Variants in CDC42BPB observed in about 807,000 individuals in gnomAD.
CDC42BPB encodes the protein serine/threonine-protein kinase MRCK beta.
CDC42BPB carries 37 observed loss-of-function variants against 214.9 expected under a neutral mutation model. The ratio of observed to expected loss-of-function variants is 0.17; its 90% confidence interval spans 0.13 to 0.23. The LOEUF is 0.23. Ranked by LOEUF, CDC42BPB falls within the 10% of genes least tolerant of loss-of-function variation. The pLI is 1.00. For missense variants in CDC42BPB, 1,694 were observed against 2,227.0 expected (o/e 0.76, Z 4.82); for synonymous variants, 931 against 884.0 (o/e 1.05, Z -0.94).
At chr14:103,000,571 C>A (rs545845250) in intron 4 of CDC42BPB, among the ~76,000 whole-genome samples, 1 of 152,250 alleles carries the variant, frequency 6.6e-6, no homozygotes, top group African/African-American at 2.4e-5. Flanking sequence ...TGGGGAAGCA[C>A]GTGGCCTGAA....
chr14:102,980,647 C>A, intron 8 of CDC42BPB, 126 bp downstream of exon 8: 1 of 833,564 alleles, frequency 1.2e-6, no homozygotes, highest in Non-Finnish European at 1.9e-6. Flanking sequence ...GAATAAAAAG[C>A]ACACTGTCTT....
In CDC42BPB at chr14:102,944,598, C is replaced by A. The variant is rs1892063648; in HGVS notation, c.3812-111G>T. On this transcript the variant is annotated intron_variant, in intron 29 of 36. Coordinates refer to ENST00000361246, the MANE Select transcript of CDC42BPB (RefSeq NM_006035.4). The surrounding 1 kb of genome is among the most constrained non-coding windows in gnomAD (Gnocchi z 6.6). ...GAACACTCTGGGGCCCTCCCCTGGG[C>A]TCCCTTCCTGTGTGCACAGCCTGAG... 2 of 1,482,576 alleles carry A rather than the reference C, an allele frequency of 1.3e-6. No individual in the cohort carries two copies. Among genetic ancestry groups the A allele is most frequent in the East Asian group, 2.4e-5 (1 of 41,764 alleles). The allele number at this position is 1,482,576 out of a possible 1,614,324, so 91.8% of individuals were successfully genotyped here.
chr14:102,987,788 A>AATACACAC (rs1894312581), intron 5 of CDC42BPB, among the ~76,000 whole-genome samples: 1 of 140,760 alleles, frequency 7.1e-6, no homozygotes. Context: ...CAAACACACA[A>AATACACAC]ACACACACAC....
intron 24 of CDC42BPB, 43 bp downstream of exon 24, chr14:102,952,455 T>G (rs1595460624): frequency 7.8e-7 from 1 of 1,278,096 alleles, no homozygotes; most frequent in Non-Finnish European, 1.1e-6. Context: ...TGCAGGGGTG[T>G]GGGGCTGTGC....
intron 2 of CDC42BPB, 35 bp from the exon 3 acceptor site, chr14:103,008,590 T>C: frequency 1.9e-6 from 3 of 1,592,928 alleles, no homozygotes; most frequent in Non-Finnish European, 2.6e-6. Context: ...AAAGATGCGG[T>C]TCTTGAACAA....
chr14:102,972,281 G>C, intron 12 of CDC42BPB, 120 bp from the exon 13 acceptor site: 1 of 1,529,732 alleles, frequency 6.5e-7, no homozygotes, highest in Non-Finnish European at 8.8e-7. Flanking sequence ...TTACAGATTA[G>C]AGCCACAGAT....
chr14:103,041,563 C>T (rs929787727), intron 1 of CDC42BPB: 12 of 1,261,098 alleles, frequency 9.5e-6, no homozygotes, highest in South Asian at 8.9e-5. Context: ...CCCGAAGATC[C>T]GCAGATGCAA....
chr14:103,047,512 G>A (rs1888361148), intron 1 of CDC42BPB, among the ~76,000 whole-genome samples: 1 of 152,118 alleles, frequency 6.6e-6, no homozygotes, highest in Non-Finnish European at 1.5e-5. Flanking sequence ...TCTCAGTGTA[G>A]ACAGCAATGC....
At chr14:102,999,101 G>A (rs1214454934) in intron 5 of CDC42BPB, among the ~76,000 whole-genome samples, 1 of 2,436 alleles carries the variant, frequency 4.1e-4, no homozygotes, top group African/African-American at 4.3e-3. Flanking sequence ...CGGGGCCCAC[G>A]TGAGCCCCAG....
At chr14:102,947,936 T>TG in intron 26 of CDC42BPB, 134 bp from the exon 27 acceptor site, 1 of 1,504,854 alleles carries the variant, frequency 6.6e-7, no homozygotes, top group South Asian at 1.3e-5. Flanking sequence ...GTCCCTCGCC[T>TG]CCCCAGATGT....
intron 18 of CDC42BPB, among the ~76,000 whole-genome samples, chr14:102,965,181 C>T (rs1033924883): frequency 6.6e-6 from 1 of 152,010 alleles, no homozygotes; most frequent in Non-Finnish European, 1.5e-5. Flanking sequence ...ATCCACCCCC[C>T]TTGGCCTCCC....
At chr14:102,968,874 T>C in intron 14 of CDC42BPB, 158 bp from the exon 15 acceptor site, 4 of 985,462 alleles carry the variant, frequency 4.1e-6, no homozygotes, top group Non-Finnish European at 4.8e-6. Context: ...GCTAACGTGA[T>C]CCAGGTTCTA....
Position 102,939,817 on chromosome 14 carries a change from G to GCCCCGCTC in CDC42BPB, c.4709+5_4709+12dup. On this transcript the variant is annotated intron_variant, in intron 33 of 36. Coordinates refer to ENST00000361246, the MANE Select transcript of CDC42BPB (RefSeq NM_006035.4). Reference sequence around the variant, plus strand: ...AGCGAGGCCCAGCAGGCCCCGTGAGGCCCCGCTCCTACCGCCTCTGCTGCA... The same window carrying GCCCCGCTC: ...AGCGAGGCCCAGCAGGCCCCGTGAGGCCCCGCTCCCCCGCTCCTACCGCCTCTGCTGCA... 6.2e-7 allele frequency: 1 copy of GCCCCGCTC among 1,614,024 alleles called. No homozygotes were observed. Among genetic ancestry groups the GCCCCGCTC allele is most frequent in the Non-Finnish European group, 8.5e-7 (1 of 1,180,038 alleles).
At chr14:102,958,699 T>C (rs1235698704) in intron 21 of CDC42BPB, among the ~76,000 whole-genome samples, 2 of 151,892 alleles carry the variant, frequency 1.3e-5, no homozygotes, top group Non-Finnish European at 2.9e-5. Flanking sequence ...CCTGAGGGGG[T>C]TGGCCTCCTT....
In CDC42BPB at chr14:102,968,376, A is replaced by G. The variant is rs1212492464; in HGVS notation, c.2241-18T>C. The G allele has an allele frequency of 1.2e-6, 2 of 1,613,578 alleles. No homozygotes were observed. Among genetic ancestry groups the G allele is most frequent in the Non-Finnish European group, 8.5e-7 (1 of 1,179,866 alleles). ...CGTTATGCCTGCCAAGGTGAGCGAGAAACAGTTTTAAAAGCTCGTAACTTC... is the reference window on the plus strand; with the variant it reads ...CGTTATGCCTGCCAAGGTGAGCGAGGAACAGTTTTAAAAGCTCGTAACTTC... On this transcript the variant is annotated intron_variant, in intron 15 of 36. Coordinates refer to ENST00000361246, the MANE Select transcript of CDC42BPB (RefSeq NM_006035.4).
chr14:103,057,389 G>T lies in CDC42BPB; in HGVS notation c.-216C>A. The T allele has an allele frequency of 1.1e-6, 1 of 910,016 alleles. No individual in the cohort carries two copies. Among genetic ancestry groups the T allele is most frequent in the Non-Finnish European group, 1.3e-6 (1 of 759,284 alleles). 56.4% of individuals were successfully genotyped at this position (910,016 alleles called of 1,614,324 possible). A position where few individuals can be genotyped will look rare whatever the true frequency, so the allele number is the denominator to read the frequency against. On this transcript the variant is annotated 5_prime_UTR_variant, in exon 1 of 37. Transcript: ENST00000361246. ...GGGCGCCGGGCCCCGCGGGTCCATG[G>T]GCCGCTCTCCTCCCCTCGGCGCCGC... is the stretch of plus-strand genomic sequence containing the variant.
chr14:103,029,572 A>G (rs1296137415), intron 1 of CDC42BPB, among the ~76,000 whole-genome samples: 2 of 149,742 alleles, frequency 1.3e-5, no homozygotes, highest in African/African-American at 2.5e-5. Flanking sequence ...GAAATGCTAG[A>G]TTGGCCAGGC....
At chr14:102,951,951 C>T (rs1439866528) in intron 24 of CDC42BPB, among the ~76,000 whole-genome samples, 1 of 152,208 alleles carries the variant, frequency 6.6e-6, no homozygotes, top group African/African-American at 2.4e-5. Context: ...CGTAGTAATT[C>T]TCAGTAGATG....
chr14:102,977,331 T>A (rs1177515582), intron 9 of CDC42BPB, among the ~76,000 whole-genome samples: 1 of 93,578 alleles, frequency 1.1e-5, no homozygotes, highest in Non-Finnish European at 2.0e-5. Flanking sequence ...AGAGCGAGAC[T>A]CCGTCTCCAA....
Sources: gnomAD v4.1 joint callset for allele counts (sites outside exome capture counted in the v4.1 genomes callset) on GRCh38, gnomAD v4.1.1 for gene constraint, Gnocchi (gnomAD v3.1) non-coding constraint, MANE v1.5 for transcripts, NCBI Gene and HGNC (gene_info 2026-07-23, HGNC 2026-07-21) for gene names.